The following KIAA1328 variants were observed in gnomAD, a reference collection of about 807,000 sequenced individuals.
KIAA1328 encodes KIAA1328.
KIAA1328 carries 52 observed loss-of-function variants against 68.1 expected under a neutral mutation model. That is an observed-to-expected ratio of 0.76 (90% CI 0.61 to 0.96). The LOEUF is 0.96. KIAA1328 is among the 40% of genes least tolerant of loss of function. The pLI is 0.00. For missense variants in KIAA1328, 641 were observed against 677.6 expected, an observed-to-expected ratio of 0.95 and a Z score of 0.60; for synonymous variants, 232 against 239.4, an observed-to-expected ratio of 0.97 and a Z score of 0.28.
chr18:36,843,934 G>A (rs1018979616), intron 3 of KIAA1328, among the ~76,000 whole-genome samples: 2 of 152,100 alleles, frequency 1.3e-5, no homozygotes, highest in Admixed American at 1.3e-4. Context: ...CATTCACAAA[G>A]GGAAAGTTGT....
intron 7 of KIAA1328, among the ~76,000 whole-genome samples, chr18:37,157,885 C>T (rs2059189496): frequency 6.7e-6 from 1 of 150,354 alleles, no homozygotes; most frequent in Non-Finnish European, 1.5e-5. Flanking sequence ...TTAATATGTA[C>T]CATAATTTAT....
chr18:37,010,625 A>G (rs2053947700), intron 6 of KIAA1328, among the ~76,000 whole-genome samples: 1 of 152,126 alleles, frequency 6.6e-6, no homozygotes, highest in African/African-American at 2.4e-5. Flanking sequence ...TCTTCACTGC[A>G]GATCCACTAA....
rs570179513 is a variant in KIAA1328, at chr18:36,936,772, A to G, written c.449-22536A>G. ...TCTATTTCTCCACAGCCTTGCCAAC[A>G]TCTGTTGTTTCCTGCCTTTGTAATA... On this transcript the variant is annotated intron_variant, in intron 5 of 9. Transcript: ENST00000280020. 7.9e-5 allele frequency among the ~76,000 whole-genome samples: 12 copies of G among 152,240 alleles called. No homozygotes were observed. In the East Asian group the frequency reaches 1.9e-3, roughly 25 times the overall value.
At chr18:36,845,328 T>C (rs1019307840) in intron 4 of KIAA1328, among the ~76,000 whole-genome samples, 2 of 151,762 alleles carry the variant, frequency 1.3e-5, no homozygotes, top group African/African-American at 2.4e-5. Context: ...TTCATTGTTA[T>C]CCTCAGTATT....
chr18:37,116,256 A>G (rs1296760191), intron 7 of KIAA1328, among the ~76,000 whole-genome samples: 1 of 152,228 alleles, frequency 6.6e-6, no homozygotes, highest in South Asian at 2.1e-4. Flanking sequence ...CCTGACTTCA[A>G]ACTATACTAC....
At chr18:37,199,297 G>A (rs1230875814) in intron 9 of KIAA1328, among the ~76,000 whole-genome samples, 1 of 152,050 alleles carries the variant, frequency 6.6e-6, no homozygotes, top group East Asian at 1.9e-4. Flanking sequence ...TCCCCTCTAT[G>A]TGTCCATGTG....
At chr18:37,135,489 T>A (rs1006777824) in intron 7 of KIAA1328, among the ~76,000 whole-genome samples, 2 of 152,110 alleles carry the variant, frequency 1.3e-5, no homozygotes, top group African/African-American at 4.8e-5. Flanking sequence ...TTGGCTACTG[T>A]CTGTCTTCTT....
At chr18:37,016,281 T>C (rs1456226551) in intron 6 of KIAA1328, among the ~76,000 whole-genome samples, 1 of 152,228 alleles carries the variant, frequency 6.6e-6, no homozygotes, top group East Asian at 1.9e-4. Context: ...TAATTCTGTT[T>C]ATGTGGTAAA....
chr18:37,192,712 T>G (rs2059929934), intron 9 of KIAA1328, among the ~76,000 whole-genome samples: 1 of 152,246 alleles, frequency 6.6e-6, no homozygotes, highest in African/African-American at 2.4e-5. Context: ...CTAATTAGGC[T>G]TTAATTAACA....
intron 7 of KIAA1328, among the ~76,000 whole-genome samples, chr18:37,158,990 A>G (rs2059217937): frequency 6.6e-6 from 1 of 151,904 alleles, no homozygotes; most frequent in Non-Finnish European, 1.5e-5. Flanking sequence ...AATTTGTATA[A>G]CCCTAAGTTA....
intron 6 of KIAA1328, among the ~76,000 whole-genome samples, chr18:36,960,470 C>T (rs948712515): frequency 2.6e-5 from 4 of 152,216 alleles, no homozygotes; most frequent in Non-Finnish European, 4.4e-5. Flanking sequence ...CCCAGCATGG[C>T]GTTTGAGCTC....
intron 7 of KIAA1328, among the ~76,000 whole-genome samples, chr18:37,142,857 TTCAA>T (rs1319863048): frequency 6.6e-6 from 1 of 152,176 alleles, no homozygotes; most frequent in Non-Finnish European, 1.5e-5. Flanking sequence ...TGAATTATGA[TTCAA>T]TCAATTTGGG....
intron 9 of KIAA1328, among the ~76,000 whole-genome samples, chr18:37,187,992 T>C (rs2059836146): frequency 6.6e-6 from 1 of 152,212 alleles, no homozygotes; most frequent in Non-Finnish European, 1.5e-5. Flanking sequence ...AATGAGCTCC[T>C]TGGTATACAA....
chr18:36,973,693 T>C (rs1357372438), intron 6 of KIAA1328, among the ~76,000 whole-genome samples: 1 of 152,064 alleles, frequency 6.6e-6, no homozygotes, highest in African/African-American at 2.4e-5. Flanking sequence ...CTCAGAGTAG[T>C]TGAAAACCAA....
intron 4 of KIAA1328, among the ~76,000 whole-genome samples, chr18:36,873,959 T>G (rs1161010440): frequency 6.6e-6 from 1 of 152,208 alleles, no homozygotes; most frequent in African/African-American, 2.4e-5. Context: ...GTTCCTGTGT[T>G]AGTTTGCTGA....
At chr18:36,949,595 G>GCCCCCCCCCCCCCC (rs1241515530) in intron 5 of KIAA1328, among the ~76,000 whole-genome samples, 1 of 38,974 alleles carries the variant, frequency 2.6e-5, no homozygotes, top group Non-Finnish European at 4.9e-5. Flanking sequence ...TTTCTACCCA[G>GCCCCCCCCCCCCCC]CTCCCCCCCC....
intron 7 of KIAA1328, among the ~76,000 whole-genome samples, chr18:37,137,099 G>A (rs534358931): frequency 5.6e-4 from 85 of 152,190 alleles, no homozygotes; most frequent in African/African-American, 2.0e-3. Flanking sequence ...CTAGTATGAA[G>A]TGTACCTTCA....
At chr18:37,193,452 CA>C in intron 9 of KIAA1328, 1 of 617,150 alleles carries the variant, frequency 1.6e-6, no homozygotes. Context: ...AGAGTTAGGT[CA>C]AATGTTGCTA....
chr18:36,939,449 T>C (rs1328129893), intron 5 of KIAA1328, among the ~76,000 whole-genome samples: 1 of 152,196 alleles, frequency 6.6e-6, no homozygotes. Flanking sequence ...TTTTGGGTTC[T>C]GCAATTTGAC....
Sources: allele counts gnomAD v4.1 joint callset (sites outside exome capture counted in the v4.1 genomes callset), GRCh38; gene constraint gnomAD v4.1.1; transcripts MANE v1.5; gene names NCBI Gene and HGNC (gene_info 2026-07-23, HGNC 2026-07-21).